The following TSPAN11 variants were observed in gnomAD, a reference collection of about 807,000 sequenced individuals.
TSPAN11 encodes tetraspanin 11, also known as tetraspanin-11.
TSPAN11 carries 29 observed loss-of-function variants against 32.9 expected under a neutral mutation model. That is an observed-to-expected ratio of 0.88 (90% CI 0.66 to 1.20). The LOEUF (loss-of-function observed/expected upper bound fraction) is 1.20. Among genes scored for constraint, TSPAN11 ranks in the 50% most tolerant of loss-of-function variants. The pLI is 0.00. For missense variants in TSPAN11, 283 were observed against 329.1 expected (o/e 0.86, Z 1.08); for synonymous variants, 140 against 141.3 (o/e 0.99, Z 0.07).
At chr12:31,014,390 T>G in the TSPAN11 span, among the ~76,000 whole-genome samples, 1 of 152,232 alleles carries the variant, frequency 6.6e-6, no homozygotes, top group South Asian at 2.1e-4. Flanking sequence ...ACTCTTCCAT[T>G]TAACTCTTAA....
chr12:30,964,722 T>G (rs1938692809), intron 3 of TSPAN11, among the ~76,000 whole-genome samples: 1 of 152,222 alleles, frequency 6.6e-6, no homozygotes, highest in Admixed American at 6.5e-5. Context: ...ACATTACCAT[T>G]ATCACACTTT....
intron 1 of TSPAN11, among the ~76,000 whole-genome samples, chr12:30,941,272 T>A (rs145957137): frequency 4.2e-4 from 64 of 152,338 alleles, no homozygotes; most frequent in African/African-American, 1.5e-3. Flanking sequence ...TGCATGGATT[T>A]TGCTATACTT....
At chr12:31,000,179 G>A (rs950359060), downstream of TSPAN11, among the ~76,000 whole-genome samples, 7 of 152,138 alleles carry the variant, frequency 4.6e-5, no homozygotes, top group Non-Finnish European at 8.8e-5. Context: ...ATTTAATCTG[G>A]CTTCCCCCTT....
intron 3 of TSPAN11, among the ~76,000 whole-genome samples, chr12:30,974,544 A>G (rs1317989621): frequency 2.0e-5 from 3 of 152,256 alleles, no homozygotes; most frequent in Admixed American, 1.3e-4. Context: ...TGCTCCAGCC[A>G]GTTTCTGCTG....
chr12:30,944,969 C>A (rs1445334302), intron 1 of TSPAN11, among the ~76,000 whole-genome samples: 1 of 152,144 alleles, frequency 6.6e-6, no homozygotes, highest in African/African-American at 2.4e-5. Context: ...AGGAAAGTCA[C>A]AACTAAGTGA....
intron 3 of TSPAN11, among the ~76,000 whole-genome samples, chr12:30,974,167 G>A (rs1938911548): frequency 6.6e-6 from 1 of 152,258 alleles, no homozygotes; most frequent in Non-Finnish European, 1.5e-5. Flanking sequence ...AGCTCTTCGG[G>A]AGCTAGGTAA....
downstream of TSPAN11, chr12:30,999,162 A>G (rs1355366095): frequency 6.6e-6 from 1 of 151,952 alleles, no homozygotes; most frequent in African/African-American, 2.4e-5. Context: ...AATAAACAAA[A>G]TTGGCCGGGC....
At position 30,975,660 on chromosome 12, in the gene TSPAN11, C is replaced by T. The variant is rs531921192; in HGVS notation, c.277-2901C>T. ...CCTCCCCATCCTCCCTGTTCCCCAC[C>T]CCGTCTTCAATAGTAACTGGGGCAG... On this transcript the variant is annotated intron_variant, in intron 3 of 7. Transcript: ENST00000546076. This position sits in a 1 kb window ranked among gnomAD's most constrained non-coding sequence, Gnocchi z 4.5. Among the ~76,000 whole-genome samples, 2 of 152,038 alleles carry T rather than the reference C, an allele frequency of 1.3e-5. No homozygotes were observed. The highest frequency in any genetic ancestry group is 2.4e-5 in the African/African-American group (1 of 41,390).
At chr12:31,007,143 C>T in the TSPAN11 span, among the ~76,000 whole-genome samples, 2 of 151,726 alleles carry the variant, frequency 1.3e-5, no homozygotes, top group African/African-American at 2.4e-5. Context: ...TCGCTGTCCA[C>T]CCTCTCTAAA....
Position 30,952,950 on chromosome 12 carries a change from CGAG to C in TSPAN11, c.-11-1027_-11-1025del, listed in dbSNP as rs552101840. ...CAGGTGCCCAGGGGCACATGCAGCT[CGAG>C]GAGAAGAGGAAACTACAAAGGCTTC... On this transcript the variant is annotated intron_variant, in intron 1 of 7. Coordinates refer to ENST00000546076, the MANE Select transcript of TSPAN11 (RefSeq NM_001370302.1). 8.5e-5 allele frequency among the ~76,000 whole-genome samples: 13 copies of C among 152,236 alleles called. No individual in the cohort carries two copies. In the South Asian group the frequency reaches 2.7e-3, roughly 32 times the overall value.
At chr12:30,979,778 C>A in intron 5 of TSPAN11, 108 bp downstream of exon 5, 2 of 1,049,804 alleles carry the variant, frequency 1.9e-6, no homozygotes, top group Non-Finnish European at 2.8e-6. Context: ...CCTCTCTGAG[C>A]TTCAAATGTC....
rs1000319223 is a variant in TSPAN11, at chr12:30,953,128, C to T, written c.-11-853C>T. Reference sequence around the variant, plus strand: ...GGACAGCATGGTGCTGGGGTAAAGACGGGAGTTTTAGGACTAGAGTCTTAG... The same window carrying T: ...GGACAGCATGGTGCTGGGGTAAAGATGGGAGTTTTAGGACTAGAGTCTTAG... On this transcript the variant is annotated intron_variant, in intron 1 of 7. Coordinates refer to ENST00000546076, the MANE Select transcript of TSPAN11 (RefSeq NM_001370302.1). Among the ~76,000 whole-genome samples, 9 of 152,122 alleles carry T rather than the reference C, an allele frequency of 5.9e-5. No individual in the cohort carries two copies. In the South Asian group the frequency reaches 1.2e-3, roughly 21 times the overall value.
intron 1 of TSPAN11, among the ~76,000 whole-genome samples, chr12:30,948,440 T>C (rs1356389304): frequency 6.6e-6 from 1 of 152,240 alleles, no homozygotes; most frequent in Non-Finnish European, 1.5e-5. Flanking sequence ...TCCATGTGTC[T>C]TCTGAAATCT....
intron 1 of TSPAN11, chr12:30,927,122 C>A: frequency 1.0e-6 from 1 of 988,594 alleles, no homozygotes; most frequent in Admixed American, 3.2e-5. Context: ...TCGTGCCGTC[C>A]AGCGTGCCCG....
At chr12:30,939,238 C>CA (rs34239881) in intron 1 of TSPAN11, among the ~76,000 whole-genome samples, 70,058 of 136,866 alleles carry the variant, frequency 0.51, 19,893 homozygotes, top group Non-Finnish European at 0.67. Context: ...AAGACTCCAT[C>CA]AAAAAAAAAA....
rs1451026524 is a variant in TSPAN11 at position 30,983,099 on chromosome 12, C to T, written c.651C>T (p.Ala217=). ...GCLTKLEQFL[A]DHLLLMGAVG... Reference sequence around the variant, plus strand: ...TCACCAAGCTGGAGCAGTTCCTGGCCGACCACCTGCTGCTTATGGGGGCAG... The same window carrying T: ...TCACCAAGCTGGAGCAGTTCCTGGCTGACCACCTGCTGCTTATGGGGGCAG... The change falls in exon 7 of 8, where the codon GCC becomes GCT. Residue 217 remains alanine, a synonymous_variant. Coordinates refer to ENST00000546076, the MANE Select transcript of TSPAN11 (RefSeq NM_001370302.1). 13 of 1,613,284 alleles carry T rather than the reference C, an allele frequency of 8.1e-6. No homozygotes were observed. The highest frequency in any genetic ancestry group is 4.5e-5 in the East Asian group (2 of 44,886).
chr12:30,933,519 G>T (rs528460304), intron 1 of TSPAN11, among the ~76,000 whole-genome samples: 21 of 152,338 alleles, frequency 1.4e-4, no homozygotes, highest in African/African-American at 4.3e-4. Flanking sequence ...GGATGGGGAA[G>T]GGGAGGAAAG....
chr12:30,939,767 C>A (rs1047393580), intron 1 of TSPAN11, among the ~76,000 whole-genome samples: 9 of 152,206 alleles, frequency 5.9e-5, no homozygotes, highest in Admixed American at 5.2e-4. Context: ...TTTTCAATCC[C>A]TGTCAGAGCT....
chr12:30,962,225 T>C (rs1938627411), intron 2 of TSPAN11, among the ~76,000 whole-genome samples: 1 of 150,166 alleles, frequency 6.7e-6, no homozygotes. Flanking sequence ...ATGGTGTCCT[T>C]CCACCTGGCT....
Sources: allele counts gnomAD v4.1 joint callset (sites outside exome capture counted in the v4.1 genomes callset), GRCh38; gene constraint gnomAD v4.1.1; non-coding constraint Gnocchi (gnomAD v3.1); transcripts MANE v1.5; gene names NCBI Gene and HGNC (gene_info 2026-07-23, HGNC 2026-07-21).